The following ZNF277 variants were observed in gnomAD, a reference collection of about 807,000 sequenced individuals.
ZNF277 encodes zinc finger protein 277.
In ZNF277, 55 loss-of-function variants were observed where a neutral mutation model predicts 60.7. The ratio of observed to expected loss-of-function variants is 0.91; its 90% CI spans 0.73 to 1.13. ZNF277 has a LOEUF of 1.13. Among genes scored for constraint, ZNF277 ranks in the 50% most tolerant of loss-of-function variants. The pLI, the probability that ZNF277 is intolerant of heterozygous loss-of-function variation, is 0.00. For synonymous variants in ZNF277, 178 were observed against 179.3 expected, an observed-to-expected ratio of 0.99 and a Z score of 0.06; for missense variants, 510 against 523.0, an observed-to-expected ratio of 0.98 and a Z score of 0.24.
intron 1 of ZNF277, among the ~76,000 whole-genome samples, chr7:112,245,439 C>T (rs920636320): frequency 6.6e-6 from 1 of 152,168 alleles, no homozygotes; most frequent in Non-Finnish European, 1.5e-5. Flanking sequence ...AGCTCCATTC[C>T]ATGGTTGTTG....
intron 1 of ZNF277, among the ~76,000 whole-genome samples, chr7:112,224,181 C>A (rs2116966685): frequency 6.6e-6 from 1 of 152,320 alleles, no homozygotes; most frequent in East Asian, 1.9e-4. Context: ...TATTCAGGAA[C>A]TCCTACAGTA....
chr7:112,292,776 A>G (rs1353813422), intron 2 of ZNF277, among the ~76,000 whole-genome samples: 2 of 152,172 alleles, frequency 1.3e-5, no homozygotes, highest in Non-Finnish European at 2.9e-5. Flanking sequence ...TATTGTCACT[A>G]TCATCATTCT....
chr7:112,266,437 G>A (rs916298887), intron 1 of ZNF277, among the ~76,000 whole-genome samples: 2 of 152,154 alleles, frequency 1.3e-5, no homozygotes, highest in African/African-American at 2.4e-5. Flanking sequence ...AAGAGTCACA[G>A]TGCCCAGCCT....
chr7:112,298,184 C>A (rs547883544), intron 4 of ZNF277, among the ~76,000 whole-genome samples: 18 of 152,212 alleles, frequency 1.2e-4, no homozygotes, highest in Admixed American at 1.0e-3. Context: ...AATATGTATT[C>A]TTATCTTGGT....
intron 1 of ZNF277, among the ~76,000 whole-genome samples, chr7:112,278,473 A>G (rs1485172459): frequency 6.6e-6 from 1 of 152,146 alleles, no homozygotes; most frequent in Non-Finnish European, 1.5e-5. Context: ...CATTCTCCTT[A>G]TTACCAGGAT....
chr7:112,269,215 T>TC (rs1190494785), intron 1 of ZNF277, among the ~76,000 whole-genome samples: 1 of 151,690 alleles, frequency 6.6e-6, no homozygotes, highest in Non-Finnish European at 1.5e-5. Context: ...TTTTTGTTTT[T>TC]TTTTTGTTTG....
intron 1 of ZNF277, among the ~76,000 whole-genome samples, chr7:112,223,244 G>A (rs1822081582): frequency 6.6e-6 from 1 of 152,154 alleles, no homozygotes; most frequent in South Asian, 2.1e-4. Flanking sequence ...ATGAGATTCG[G>A]GGCCATTTCA....
chr7:112,228,540 T>C (rs1382185149), intron 1 of ZNF277, among the ~76,000 whole-genome samples: 1 of 148,842 alleles, frequency 6.7e-6, no homozygotes, highest in Non-Finnish European at 1.5e-5. Context: ...GCCTTATACA[T>C]TGACCTTGTC....
At chr7:112,259,326 A>G (rs1791391840) in intron 1 of ZNF277, among the ~76,000 whole-genome samples, 1 of 152,196 alleles carries the variant, frequency 6.6e-6, no homozygotes, top group South Asian at 2.1e-4. Flanking sequence ...AGTATATTCC[A>G]AATATTAGAA....
At chr7:112,290,283 T>C (rs1792177497) in intron 2 of ZNF277, among the ~76,000 whole-genome samples, 1 of 152,258 alleles carries the variant, frequency 6.6e-6, no homozygotes, top group African/African-American at 2.4e-5. Context: ...AATCAGAGTT[T>C]GTATTCTCCT....
intron 4 of ZNF277, among the ~76,000 whole-genome samples, chr7:112,306,591 T>G (rs1372340167): frequency 6.6e-6 from 1 of 152,082 alleles, no homozygotes; most frequent in Non-Finnish European, 1.5e-5. Flanking sequence ...GAATGCATTT[T>G]AGATCTTTAC....
At chr7:112,254,667 G>A (rs1791270523) in intron 1 of ZNF277, among the ~76,000 whole-genome samples, 1 of 152,168 alleles carries the variant, frequency 6.6e-6, no homozygotes, top group Non-Finnish European at 1.5e-5. Context: ...ATTAACAAGT[G>A]TAAGAAAAAG....
At chr7:112,314,677 T>A (rs1217647125) in intron 4 of ZNF277, among the ~76,000 whole-genome samples, 1 of 152,046 alleles carries the variant, frequency 6.6e-6, no homozygotes, top group Non-Finnish European at 1.5e-5. Flanking sequence ...GCCCCTGTAG[T>A]CCCAGCTACT....
At chr7:112,330,047 A>G (rs771815856) in intron 6 of ZNF277, 37 bp from the exon 7 acceptor site, 3 of 1,589,376 alleles carry the variant, frequency 1.9e-6, no homozygotes, top group South Asian at 2.3e-5. Context: ...CAACTATACA[A>G]GAGACTTGTT....
intron 1 of ZNF277, among the ~76,000 whole-genome samples, chr7:112,221,043 C>T (rs568133984): frequency 4.6e-5 from 7 of 152,108 alleles, no homozygotes; most frequent in Non-Finnish European, 8.8e-5. Context: ...TGCTGTTTGC[C>T]ACCATCGCAG....
At chr7:112,286,234 G>A (rs73717519) in intron 1 of ZNF277, among the ~76,000 whole-genome samples, 2 of 152,200 alleles carry the variant, frequency 1.3e-5, no homozygotes, top group Non-Finnish European at 2.9e-5. Context: ...TCATCTATTT[G>A]TTCACAGAAG....
chr7:112,263,243 G>T (rs115666723), intron 1 of ZNF277, among the ~76,000 whole-genome samples: 1,774 of 152,256 alleles, frequency 0.012, 36 homozygotes, highest in African/African-American at 0.041. Flanking sequence ...GTTAGGGACT[G>T]GCCAACTGTC....
intron 1 of ZNF277, among the ~76,000 whole-genome samples, chr7:112,248,922 A>G (rs1406161999): frequency 1.3e-5 from 2 of 152,126 alleles, no homozygotes; most frequent in African/African-American, 2.4e-5. Flanking sequence ...AATTTGCCTT[A>G]TAAAACACAA....
At chr7:112,289,573 T>C (rs1394589361) in intron 2 of ZNF277, among the ~76,000 whole-genome samples, 1 of 152,226 alleles carries the variant, frequency 6.6e-6, no homozygotes, top group Non-Finnish European at 1.5e-5. Context: ...CTCAGAGTAT[T>C]CTGGGAGCTT....
Sources: gnomAD v4.1 joint callset for allele counts (sites outside exome capture counted in the v4.1 genomes callset) on GRCh38, gnomAD v4.1.1 for gene constraint, MANE v1.5 for transcripts, NCBI Gene and HGNC (gene_info 2026-07-23, HGNC 2026-07-21) for gene names.